Variants in ROBO2 observed in about 807,000 individuals in gnomAD.
The protein encoded by ROBO2 is roundabout homolog 2.
ROBO2 carries 53 observed loss-of-function variants against 160.8 expected under a neutral mutation model. The observed-to-expected ratio is 0.33, with a 90% confidence interval of 0.26 to 0.41. The LOEUF is 0.41. ROBO2 is among the 10% of genes least tolerant of loss of function. ROBO2 has a pLI of 1.00. For synonymous variants in ROBO2, 664 were observed against 611.7 expected (o/e 1.09, Z -1.26); for missense variants, 1,577 against 1,722.4 (o/e 0.92, Z 1.49).
upstream of ROBO2, among the ~76,000 whole-genome samples, chr3:77,037,151 G>A (rs2063685575): frequency 6.6e-6 from 1 of 152,088 alleles, no homozygotes; most frequent in Non-Finnish European, 1.5e-5. Context: ...TTTAGTGTGA[G>A]ATGTTTGGTC....
chr3:75,939,805 T>G (rs557944146), intron 2 of ROBO2, among the ~76,000 whole-genome samples: 1 of 152,260 alleles, frequency 6.6e-6, no homozygotes, highest in South Asian at 2.1e-4. Context: ...AATAAAAGTT[T>G]TAAAAATTAA....
chr3:76,224,175 A>G (rs932381542), intron 2 of ROBO2, among the ~76,000 whole-genome samples: 1 of 152,200 alleles, frequency 6.6e-6, no homozygotes, highest in African/African-American at 2.4e-5. Context: ...TTTGGTACCA[A>G]GAGGGGTTCT....
chr3:76,189,298 G>A (rs1180886741), intron 2 of ROBO2, among the ~76,000 whole-genome samples: 1 of 151,646 alleles, frequency 6.6e-6, no homozygotes, highest in East Asian at 1.9e-4. Flanking sequence ...AACACAATGG[G>A]AAAAAAAGGT....
chr3:76,968,827 T>G (rs2059433672), intron 2 of ROBO2, among the ~76,000 whole-genome samples: 1 of 152,128 alleles, frequency 6.6e-6, no homozygotes, highest in Non-Finnish European at 1.5e-5. Context: ...TAGGTTATAC[T>G]TTTTTCAACA....
At position 77,425,689 on chromosome 3, in the gene ROBO2, G is replaced by T. The variant is rs531293812; in HGVS notation, c.389-51725G>T. Among the ~76,000 whole-genome samples, 23 of 149,824 alleles carry T rather than the reference G, an allele frequency of 1.5e-4. No individual in the cohort carries two copies. The South Asian group carries it at 4.7e-3, about 30-fold the overall frequency. On this transcript the variant is annotated intron_variant, in intron 2 of 25. Transcript: ENST00000461745. ...TGACTCTTTTTTTTTTTTTTTGATGGAGTCTCTCTGTGTCGCCCAGGCTGG... is the reference window on the plus strand; with the variant it reads ...TGACTCTTTTTTTTTTTTTTTGATGTAGTCTCTCTGTGTCGCCCAGGCTGG...
chr3:76,325,410 A>T (rs1191520430), intron 2 of ROBO2, among the ~76,000 whole-genome samples: 1 of 152,186 alleles, frequency 6.6e-6, no homozygotes, highest in Non-Finnish European at 1.5e-5. Context: ...GATAAAAGGA[A>T]GTCTGATTAT....
At chr3:76,629,253 T>A (rs9836125) in intron 2 of ROBO2, among the ~76,000 whole-genome samples, 21 of 152,220 alleles carry the variant, frequency 1.4e-4, no homozygotes, top group Non-Finnish European at 2.4e-4. Context: ...AACCAAAATA[T>A]AGTAACAATT....
At chr3:75,949,735 ACATTG>A (rs1253574890) in intron 2 of ROBO2, among the ~76,000 whole-genome samples, 1 of 150,410 alleles carries the variant, frequency 6.6e-6, no homozygotes. Flanking sequence ...AGTCTAGAAA[ACATTG>A]CTGTGACAAG....
intron 2 of ROBO2, among the ~76,000 whole-genome samples, chr3:76,470,666 A>C (rs1241015850): frequency 6.6e-6 from 1 of 152,128 alleles, no homozygotes; most frequent in Non-Finnish European, 1.5e-5. Context: ...TATAACTTTC[A>C]CTATATTTTC....
intron 2 of ROBO2, among the ~76,000 whole-genome samples, chr3:76,710,258 C>A (rs751254448): frequency 7.1e-4 from 108 of 152,034 alleles, no homozygotes; most frequent in Admixed American, 1.2e-3. Flanking sequence ...GTAGCTGGGA[C>A]TAGAGGTCCG....
At chr3:77,265,789 A>G (rs2059083864) in intron 2 of ROBO2, among the ~76,000 whole-genome samples, 1 of 152,166 alleles carries the variant, frequency 6.6e-6, no homozygotes, top group East Asian at 1.9e-4. Context: ...TGAAGTACAC[A>G]TCTGTTTCTC....
chr3:77,522,789 A>G (rs1295794571), exon 6 of ROBO2: 7 of 1,608,978 alleles, frequency 4.4e-6, no homozygotes, highest in Non-Finnish European at 5.1e-6. Context: ...GACATCAAAG[A>G]CGATTACACA....
At chr3:76,745,314 TA>T (rs961399316) in intron 2 of ROBO2, among the ~76,000 whole-genome samples, 51 of 152,286 alleles carry the variant, frequency 3.3e-4, no homozygotes, top group Admixed American at 1.8e-3. Context: ...TTTCAGTGAC[TA>T]ATTTTACTCC....
chr3:76,647,551 A>G (rs916715219), intron 2 of ROBO2, among the ~76,000 whole-genome samples: 7 of 152,322 alleles, frequency 4.6e-5, no homozygotes, highest in South Asian at 2.1e-4. Flanking sequence ...TAAAAATCCC[A>G]AAATACCTTC....
chr3:77,649,223 T>C (rs1364741326), exon 26 of ROBO2: 2 of 152,198 alleles, frequency 1.3e-5, no homozygotes, highest in Non-Finnish European at 2.9e-5. Flanking sequence ...GTAAAACCAT[T>C]GCAAGTTTAC....
At chr3:77,145,650 T>A (rs1222332370) in intron 2 of ROBO2, among the ~76,000 whole-genome samples, 2 of 152,146 alleles carry the variant, frequency 1.3e-5, no homozygotes, top group Non-Finnish European at 2.9e-5. Flanking sequence ...CATCATTTTT[T>A]TTGCCTCCAT....
chr3:77,292,725 G>A (rs1170256964), intron 2 of ROBO2, among the ~76,000 whole-genome samples: 1 of 97,912 alleles, frequency 1.0e-5, no homozygotes, highest in African/African-American at 2.7e-5. Flanking sequence ...AAGTAAAATT[G>A]ATGGTTAAAC....
intron 2 of ROBO2, among the ~76,000 whole-genome samples, chr3:76,501,187 A>C (rs1463799640): frequency 2.0e-5 from 3 of 152,202 alleles, no homozygotes; most frequent in Non-Finnish European, 4.4e-5. Flanking sequence ...TTGGAGAGGG[A>C]CATAAATTAT....
At chr3:77,590,928 G>A (rs529509578) in intron 17 of ROBO2, among the ~76,000 whole-genome samples, 1 of 152,060 alleles carries the variant, frequency 6.6e-6, no homozygotes, top group South Asian at 2.1e-4. Context: ...GCTTGTAGAC[G>A]AACTGCTAAC....
Sources: gnomAD v4.1 joint callset for allele counts (sites outside exome capture counted in the v4.1 genomes callset) on GRCh38, gnomAD v4.1.1 for gene constraint, MANE v1.5 for transcripts, NCBI Gene and HGNC (gene_info 2026-07-23, HGNC 2026-07-21) for gene names.